PRPF6: variants seen among roughly 807,000 people sequenced by gnomAD.
PRPF6 encodes pre-mRNA processing factor 6, also known as pre-mRNA-processing factor 6.
Under a neutral mutation model 118.3 loss-of-function variants are expected in PRPF6, and 42 were observed. The observed-to-expected ratio is 0.35, with a 90% CI of 0.28 to 0.46. The LOEUF is 0.46. Ranked by LOEUF, PRPF6 falls within the 20% of genes least tolerant of loss-of-function variation. PRPF6 has a pLI of 1.00. For synonymous variants in PRPF6, 481 were observed against 485.1 expected, an observed-to-expected ratio of 0.99 and a Z score of 0.11; for missense variants, 662 against 1,255.7, an observed-to-expected ratio of 0.53 and a Z score of 7.15.
rs2059137727 is a variant in PRPF6, at chr20:63,995,575, T to TCTTCTCCTC, written c.771+105_771+113dup. ...TTCTCCTTCTTCTTCTTCTCCTTTT[T>TCTTCTCCTC]CTTCTCCTCCTTCTCCTCCTCCTCC... On this transcript the variant is annotated intron_variant, in intron 6 of 20. Transcript: ENST00000266079. The TCTTCTCCTC allele has an allele frequency of 9.0e-6, 13 of 1,437,318 alleles. No individual in the cohort carries two copies. The Admixed American group carries it at 2.4e-4, about 26-fold the overall frequency. 89.0% of individuals were successfully genotyped at this position (1,437,318 alleles called of 1,614,324 possible).
At chr20:64,032,463 C>T (rs897734488) in intron 20 of PRPF6, among the ~76,000 whole-genome samples, 5 of 152,130 alleles carry the variant, frequency 3.3e-5, no homozygotes, top group South Asian at 2.1e-4. Context: ...TAGAGCCAAG[C>T]GTTGTCTGAG....
At chr20:63,986,188 A>C (rs922055056) in intron 3 of PRPF6, among the ~76,000 whole-genome samples, 2 of 151,854 alleles carry the variant, frequency 1.3e-5, no homozygotes, top group African/African-American at 4.8e-5. Context: ...TAAAAATACA[A>C]AAATTAGCCG....
In PRPF6 at chr20:64,011,332, G is replaced by A. The variant is rs752092907; in HGVS notation, c.1353G>A (p.Lys451=). ...ARLETYENAR[K]VLNKARENIP... ...TGGAGACCTATGAAAATGCCCGCAA[G>A]GTCTTGAACAAGGCGCGGGAGAACA... Residue 451 remains lysine (K), a synonymous_variant, in exon 11 of 21, where the codon AAG becomes AAA. Coordinates refer to ENST00000266079, the MANE Select transcript of PRPF6 (RefSeq NM_012469.4). This position sits in a 1 kb window ranked among gnomAD's most constrained non-coding sequence, Gnocchi z 6.7. The A allele has an allele frequency of 9.9e-6, 16 of 1,614,084 alleles. No homozygotes were observed. Among genetic ancestry groups the A allele is most frequent in the Non-Finnish European group, 1.1e-5 (13 of 1,180,050 alleles).
At chr20:64,019,522 TC>T (rs1447318050) in intron 12 of PRPF6, among the ~76,000 whole-genome samples, 18 of 152,174 alleles carry the variant, frequency 1.2e-4, no homozygotes, top group African/African-American at 4.3e-4. Flanking sequence ...GCTGCTTCCC[TC>T]CCGGACACCA....
At chr20:63,981,421 C>A (rs2059066365) in intron 1 of PRPF6, 105 bp downstream of exon 1, 1 of 1,131,216 alleles carries the variant, frequency 8.8e-7, no homozygotes, top group Non-Finnish European at 1.3e-6. Context: ...GTCTGAAAGA[C>A]GCTTGGTGGA....
chr20:63,996,421 C>T (rs1296333117), intron 6 of PRPF6, among the ~76,000 whole-genome samples: 2 of 152,138 alleles, frequency 1.3e-5, no homozygotes, highest in Non-Finnish European at 2.9e-5. Flanking sequence ...CTAAGGCGAT[C>T]CTTCCACCTC....
intron 3 of PRPF6, among the ~76,000 whole-genome samples, chr20:63,991,222 G>A (rs538336066): frequency 4.6e-5 from 7 of 152,010 alleles, no homozygotes; most frequent in African/African-American, 1.2e-4. Flanking sequence ...CTAGGAGTTC[G>A]AGACCAGCCT....
chr20:64,029,851 G>C lies in PRPF6; in HGVS notation c.2546+360G>C, dbSNP rs1181650905. 6.6e-6 allele frequency among the ~76,000 whole-genome samples: 1 copy of C among 151,898 alleles called. No individual in the cohort carries two copies. Among genetic ancestry groups the C allele is most frequent in the African/African-American group, 2.4e-5 (1 of 41,336 alleles). On this transcript the variant is annotated intron_variant, in intron 19 of 20. Coordinates refer to ENST00000266079, the MANE Select transcript of PRPF6 (RefSeq NM_012469.4). The surrounding 1 kb of genome is among the most constrained non-coding windows in gnomAD (Gnocchi z 4.8). ...CTGGTGCTCTGGTCGCCGGGTCAGA[G>C]ACTCACTGGGGACGCATGTGATTCA...
intron 11 of PRPF6, among the ~76,000 whole-genome samples, chr20:64,015,892 T>C (rs1449832413): frequency 6.6e-6 from 1 of 152,072 alleles, no homozygotes; most frequent in African/African-American, 2.4e-5. Flanking sequence ...TTTGGGAGGC[T>C]AAAGCAGGAG....
intron 9 of PRPF6, 87 bp from the exon 10 acceptor site, chr20:64,010,113 C>T (rs2059209395): frequency 5.1e-6 from 6 of 1,165,898 alleles, no homozygotes; most frequent in Non-Finnish European, 7.7e-6. Flanking sequence ...AAGTCCGTCT[C>T]ATCCTGACCA....
In PRPF6 at chr20:64,029,224, CT is replaced by C. The variant is rs1209477017; in HGVS notation, c.2432-150del. 6.6e-6 allele frequency among the ~76,000 whole-genome samples: 1 copy of C among 152,186 alleles called. No homozygotes were observed. The highest frequency in any genetic ancestry group is 1.9e-4 in the East Asian group (1 of 5,186). On this transcript the variant is annotated intron_variant, in intron 18 of 20. Transcript: ENST00000266079. The surrounding 1 kb of genome is among the most constrained non-coding windows in gnomAD (Gnocchi z 4.8). ...TTTTGGGTGGGCCAGAGTGCTCATC[CT>C]TTGTGGTTCTCCTTGCACAAGTTCT...
chr20:64,014,140 A>G (rs536717451), intron 11 of PRPF6, among the ~76,000 whole-genome samples: 16 of 151,932 alleles, frequency 1.1e-4, no homozygotes, highest in South Asian at 2.1e-4. Context: ...CGGTTTTGCC[A>G]TGTTGTTCAG....
rs555120952 is a variant in PRPF6 at position 64,009,056 on chromosome 20, G to A, written c.1187-1144G>A. Among the ~76,000 whole-genome samples, 47 of 152,116 alleles carry A rather than the reference G, an allele frequency of 3.1e-4. 1 individual carries two copies. In the South Asian group the frequency reaches 4.1e-3, roughly 13 times the overall value. ...TCCCAGCACTTCGGGAGGCCGAGGCGGGCGGATCATGTGGTCAAGAGATCA... is the reference window on the plus strand; with the variant it reads ...TCCCAGCACTTCGGGAGGCCGAGGCAGGCGGATCATGTGGTCAAGAGATCA... On this transcript the variant is annotated intron_variant, in intron 9 of 20. Coordinates refer to ENST00000266079, the MANE Select transcript of PRPF6 (RefSeq NM_012469.4).
chr20:64,031,187 A>G (rs2059312363), intron 19 of PRPF6, among the ~76,000 whole-genome samples: 1 of 152,248 alleles, frequency 6.6e-6, no homozygotes, highest in Non-Finnish European at 1.5e-5. Flanking sequence ...CCATCTTCTC[A>G]GTGTTCACTG....
chr20:64,006,204 G>T (rs2059189155), intron 9 of PRPF6, among the ~76,000 whole-genome samples: 1 of 152,068 alleles, frequency 6.6e-6, no homozygotes. Context: ...GTCTCGCTTT[G>T]GGAGTCAGGG....
chr20:64,021,611 CTGTG>C lies in PRPF6; in HGVS notation c.1648-1141_1648-1138del, dbSNP rs773141851. Reference sequence around the variant, plus strand: ...ATATGCCTCAGCCACAGCCCCATGTCTGTGTGTGCGTGTGTTTGTGTGTGTGCGT... The same window carrying C: ...ATATGCCTCAGCCACAGCCCCATGTCTGTGCGTGTGTTTGTGTGTGTGCGT... On this transcript the variant is annotated intron_variant, in intron 12 of 20. Coordinates refer to ENST00000266079, the MANE Select transcript of PRPF6 (RefSeq NM_012469.4). Among the ~76,000 whole-genome samples the C allele has an allele frequency of 4.0e-4, 42 of 104,916 alleles. 1 individual carries two copies. The highest frequency in any genetic ancestry group is 6.9e-4 in the Non-Finnish European group (37 of 53,246). 68.8% of individuals were successfully genotyped at this position (104,916 alleles called of 152,430 possible).
At position 64,031,880 on chromosome 20, in the gene PRPF6, G is replaced by A. The variant is rs748175335; in HGVS notation, c.2547-38G>A. 8 of 1,613,790 alleles carry A rather than the reference G, an allele frequency of 5.0e-6. No individual in the cohort carries two copies. The Admixed American group carries it at 1.3e-4, about 27-fold the overall frequency. ...CCCTGCCCCAGAATACCGTCCTGCA[G>A]CCACTCACTCTGGGTTCACGTCCTT... On this transcript the variant is annotated intron_variant, in intron 19 of 20. Coordinates refer to ENST00000266079, the MANE Select transcript of PRPF6 (RefSeq NM_012469.4).
intron 3 of PRPF6, among the ~76,000 whole-genome samples, chr20:63,991,043 C>CCCA (rs2122992742): frequency 6.6e-6 from 1 of 152,196 alleles, no homozygotes; most frequent in Admixed American, 6.5e-5. Flanking sequence ...ACCTTGGCCT[C>CCCA]CCAAAGTGCT....
chr20:63,994,427 G>A (rs554663337), intron 4 of PRPF6, among the ~76,000 whole-genome samples: 1 of 152,146 alleles, frequency 6.6e-6, no homozygotes, highest in Non-Finnish European at 1.5e-5. Context: ...AAAGTGCTGG[G>A]ATTAACAGGC....
Sources: gnomAD v4.1 joint callset for allele counts (sites outside exome capture counted in the v4.1 genomes callset) on GRCh38, gnomAD v4.1.1 for gene constraint, Gnocchi (gnomAD v3.1) non-coding constraint, MANE v1.5 for transcripts, NCBI Gene and HGNC (gene_info 2026-07-23, HGNC 2026-07-21) for gene names.